The following PPP2R2C variants were observed in gnomAD, a reference collection of about 807,000 sequenced individuals.
PPP2R2C encodes protein phosphatase 2 regulatory subunit Bgamma.
PPP2R2C carries 10 observed loss-of-function variants against 45.3 expected under a neutral mutation model. The ratio of observed to expected loss-of-function variants is 0.22; its 90% confidence interval spans 0.14 to 0.37. The LOEUF (loss-of-function observed/expected upper bound fraction) is 0.37. PPP2R2C is among the 10% of genes least tolerant of loss of function. PPP2R2C has a pLI of 1.00. For synonymous variants in PPP2R2C, 257 were observed against 245.4 expected, an observed-to-expected ratio of 1.05 and a Z score of -0.44; for missense variants, 308 against 619.7, an observed-to-expected ratio of 0.50 and a Z score of 5.34.
In PPP2R2C at chr4:6,345,615, G is replaced by A. The variant is rs1434373534; in HGVS notation, c.790+2231C>T. On this transcript the variant is annotated intron_variant, in intron 6 of 8. Transcript: ENST00000382599. The surrounding 1 kb of genome is among the most constrained non-coding windows in gnomAD (Gnocchi z 5.3). ...GGGGAGGGGCCACGTGCCAGGGAACGCAGCGCCTCTAGAAGCCAGAAGAGG... is the reference window on the plus strand; with the variant it reads ...GGGGAGGGGCCACGTGCCAGGGAACACAGCGCCTCTAGAAGCCAGAAGAGG... Among the ~76,000 whole-genome samples, 3 of 152,126 alleles carry A rather than the reference G, an allele frequency of 2.0e-5. No individual in the cohort carries two copies. Among genetic ancestry groups the A allele is most frequent in the Non-Finnish European group, 4.4e-5 (3 of 68,026 alleles).
intron 1 of PPP2R2C, among the ~76,000 whole-genome samples, chr4:6,438,166 C>G (rs570568233): frequency 1.1e-4 from 17 of 152,318 alleles, no homozygotes; most frequent in Admixed American, 3.3e-4. Context: ...ATTTAACAAC[C>G]CCACTCACCA....
intron 4 of PPP2R2C, 50 bp from the exon 5 acceptor site, chr4:6,372,750 C>T: frequency 6.4e-7 from 1 of 1,563,270 alleles, no homozygotes; most frequent in South Asian, 1.1e-5. Context: ...GTGGTGGCAT[C>T]AGGACATAGC....
At chr4:6,469,311 T>C (rs2108767378) in intron 1 of PPP2R2C, among the ~76,000 whole-genome samples, 1 of 152,122 alleles carries the variant, frequency 6.6e-6, no homozygotes, top group South Asian at 2.1e-4. Context: ...GCAACAGCCA[T>C]TGCAAACGCC....
chr4:6,410,669 C>T (rs889984380), intron 1 of PPP2R2C, among the ~76,000 whole-genome samples: 1 of 151,918 alleles, frequency 6.6e-6, no homozygotes, highest in South Asian at 2.1e-4. Context: ...ATACACCTGC[C>T]TAATATCACA....
chr4:6,510,726 C>A lies in PPP2R2C; in HGVS notation c.49+24545G>T, dbSNP rs1253332424. ...GGCACGGTGTCTCACGCCTGTAATCCCAGCACTTTGGGAGGCCGAGGTGGG... is the reference window on the plus strand; with the variant it reads ...GGCACGGTGTCTCACGCCTGTAATCACAGCACTTTGGGAGGCCGAGGTGGG... On this transcript the variant is annotated intron_variant, in intron 2 of 9. Coordinates refer to the PPP2R2C transcript ENST00000506140. Among the ~76,000 whole-genome samples, 5 of 152,070 alleles carry A rather than the reference C, an allele frequency of 3.3e-5. 1 individual carries two copies. Among genetic ancestry groups the A allele is most frequent in the Admixed American group, 3.3e-4 (5 of 15,284 alleles).
chr4:6,443,784 C>G (rs553159868), intron 1 of PPP2R2C, among the ~76,000 whole-genome samples: 8 of 152,146 alleles, frequency 5.3e-5, no homozygotes, highest in African/African-American at 1.2e-4. Flanking sequence ...ACCGCCCCCC[C>G]GGAGTCCTTG....
At chr4:6,344,088 C>G (rs987314909) in intron 6 of PPP2R2C, among the ~76,000 whole-genome samples, 5 of 152,194 alleles carry the variant, frequency 3.3e-5, no homozygotes, top group Non-Finnish European at 1.5e-5. Context: ...GATTTGTCAG[C>G]AAGGACCTGG....
chr4:6,387,658 A>G (rs2109326052), intron 1 of PPP2R2C, among the ~76,000 whole-genome samples: 1 of 152,132 alleles, frequency 6.6e-6, no homozygotes, highest in African/African-American at 2.4e-5. Flanking sequence ...TAAAAATACA[A>G]AAAAATTATC....
chr4:6,396,029 G>C (rs1717007151), intron 1 of PPP2R2C, among the ~76,000 whole-genome samples: 1 of 152,206 alleles, frequency 6.6e-6, no homozygotes, highest in African/African-American at 2.4e-5. Flanking sequence ...AGTGGGACCT[G>C]GGTCACCGGG....
At chr4:6,557,926 T>A (rs1472943867) in intron 1 of PPP2R2C, among the ~76,000 whole-genome samples, 2 of 152,114 alleles carry the variant, frequency 1.3e-5, no homozygotes, top group Non-Finnish European at 2.9e-5. Context: ...ACCTGCTGCG[T>A]GACTCCAGGC....
intron 1 of PPP2R2C, among the ~76,000 whole-genome samples, chr4:6,419,205 G>A (rs1389452213): frequency 6.6e-6 from 1 of 152,200 alleles, no homozygotes; most frequent in Admixed American, 6.5e-5. Context: ...ATCACCTGAG[G>A]TAGGGAGTTC....
intron 5 of PPP2R2C, among the ~76,000 whole-genome samples, chr4:6,355,288 A>C (rs1276617761): frequency 6.6e-6 from 1 of 152,124 alleles, no homozygotes; most frequent in East Asian, 1.9e-4. Flanking sequence ...AAGGGGAAGC[A>C]GCTGTTAAAG....
chr4:6,355,693 G>A (rs565662766), intron 5 of PPP2R2C, among the ~76,000 whole-genome samples: 2 of 152,082 alleles, frequency 1.3e-5, no homozygotes, highest in South Asian at 2.1e-4. Flanking sequence ...CGGTACAAAC[G>A]CAAGAGTGCT....
chr4:6,531,305 G>C (rs944084841), intron 2 of PPP2R2C, among the ~76,000 whole-genome samples: 2 of 152,146 alleles, frequency 1.3e-5, no homozygotes, highest in South Asian at 2.1e-4. Flanking sequence ...GGGCCCAGGG[G>C]TGCTGTGCAC....
rs562755804 is a variant in PPP2R2C at position 6,375,747 on chromosome 4, G to A, written c.447+72C>T. 6.9e-6 allele frequency: 9 copies of A among 1,306,946 alleles called. No individual in the cohort carries two copies. In the East Asian group the frequency reaches 1.2e-4, roughly 17 times the overall value. 81.0% of individuals were successfully genotyped at this position (1,306,946 alleles called of 1,614,324 possible). On this transcript the variant is annotated intron_variant, in intron 4 of 8. Coordinates refer to ENST00000382599, the MANE Select transcript of PPP2R2C (RefSeq NM_020416.4). Reference sequence around the variant, plus strand: ...ACCTGACTCTGGCTCAAATCTCAAAGGCTTTTCCAGCCCTAAAATCCTCAG... The same window carrying A: ...ACCTGACTCTGGCTCAAATCTCAAAAGCTTTTCCAGCCCTAAAATCCTCAG...
At chr4:6,414,464 G>C (rs1417421664) in intron 1 of PPP2R2C, among the ~76,000 whole-genome samples, 1 of 152,078 alleles carries the variant, frequency 6.6e-6, no homozygotes, top group African/African-American at 2.4e-5. Context: ...CTGGCGGGAG[G>C]AGCATCAGGC....
intron 1 of PPP2R2C, among the ~76,000 whole-genome samples, chr4:6,438,440 G>A (rs1275532267): frequency 6.6e-6 from 1 of 152,142 alleles, no homozygotes; most frequent in African/African-American, 2.4e-5. Context: ...AGAGTTTGGT[G>A]GACGGGTCTC....
At chr4:6,556,360 C>T (rs1392767851) in intron 1 of PPP2R2C, among the ~76,000 whole-genome samples, 2 of 152,188 alleles carry the variant, frequency 1.3e-5, no homozygotes, top group African/African-American at 2.4e-5. Context: ...CATCAGTCTT[C>T]TCCTGCCCTG....
At chr4:6,536,998 T>A (rs549324219) in intron 1 of PPP2R2C, among the ~76,000 whole-genome samples, 8 of 151,488 alleles carry the variant, frequency 5.3e-5, no homozygotes, top group South Asian at 2.1e-4. Flanking sequence ...AAGTCAGGAG[T>A]TCGAGACCAG....
Sources: allele counts gnomAD v4.1 joint callset (sites outside exome capture counted in the v4.1 genomes callset), GRCh38; gene constraint gnomAD v4.1.1; non-coding constraint Gnocchi (gnomAD v3.1); transcripts MANE v1.5; gene names NCBI Gene and HGNC (gene_info 2026-07-23, HGNC 2026-07-21).